Variants in PPP5C observed in about 807,000 individuals in gnomAD.
PPP5C encodes serine/threonine-protein phosphatase 5.
In PPP5C, 21 loss-of-function variants were observed where a neutral mutation model predicts 66.7. That is an observed-to-expected ratio of 0.31 (90% confidence interval 0.22 to 0.45). The LOEUF (loss-of-function observed/expected upper bound fraction) is 0.45, where lower values mean the gene tolerates loss of function less well. PPP5C is among the 20% of genes least tolerant of loss of function. The probability of loss-of-function intolerance (pLI) is 1.00; values close to 1 mark genes in which losing one functional copy is unlikely to be tolerated. For missense variants in PPP5C, 464 were observed against 675.9 expected (o/e 0.69, Z 3.48); for synonymous variants, 246 against 257.4 (o/e 0.96, Z 0.43).
chr19:46,383,176 A>G lies in PPP5C; in HGVS notation c.634-235A>G. 2 of 1,482,038 alleles carry G rather than the reference A, an allele frequency of 1.3e-6. No homozygotes were observed. Among genetic ancestry groups the G allele is most frequent in the South Asian group, 1.2e-5 (1 of 80,568 alleles). 91.8% of individuals were successfully genotyped at this position (1,482,038 alleles called of 1,614,324 possible). On this transcript the variant is annotated intron_variant, in intron 4 of 12. Transcript: ENST00000012443. This position sits in a 1 kb window ranked among gnomAD's most constrained non-coding sequence, Gnocchi z 5.0. ...AGTATTTTAAGATAATTCAAGAATC[A>G]GGTTTTCGTACAAAACAATCGCAAT...
At chr19:46,349,918 A>G (rs561254237) in intron 1 of PPP5C, among the ~76,000 whole-genome samples, 5 of 149,898 alleles carry the variant, frequency 3.3e-5, no homozygotes, top group African/African-American at 1.2e-4. Flanking sequence ...CATGGAGGCC[A>G]TAAGTGGGGC....
intron 2 of PPP5C, among the ~76,000 whole-genome samples, chr19:46,368,246 C>T (rs1972523792): frequency 6.6e-6 from 1 of 152,218 alleles, no homozygotes; most frequent in Non-Finnish European, 1.5e-5. Flanking sequence ...TGGAGAATGG[C>T]AGGGGATTAT....
At chr19:46,367,729 A>G (rs375255070) in intron 2 of PPP5C, among the ~76,000 whole-genome samples, 1 of 152,318 alleles carries the variant, frequency 6.6e-6, no homozygotes. Context: ...AGTGGGAACA[A>G]TTAGATCCTG....
At chr19:46,387,049 G>A in intron 7 of PPP5C, 44 bp from the exon 8 acceptor site, 2 of 1,613,832 alleles carry the variant, frequency 1.2e-6, no homozygotes, top group Non-Finnish European at 1.7e-6. Flanking sequence ...GGACACTGAT[G>A]TACCTGGAGG....
intron 1 of PPP5C, among the ~76,000 whole-genome samples, chr19:46,347,741 A>G (rs56690452): frequency 0.037 from 5,601 of 152,072 alleles, 366 homozygotes; most frequent in African/African-American, 0.13. Flanking sequence ...CTTGGGAGTA[A>G]GGGTGGGGAT....
intron 4 of PPP5C, among the ~76,000 whole-genome samples, chr19:46,377,745 A>G (rs1179255200): frequency 1.3e-5 from 2 of 152,186 alleles, no homozygotes; most frequent in African/African-American, 2.4e-5. Flanking sequence ...TTTCAATGTC[A>G]TATGGGCTTA....
At chr19:46,372,180 T>A (rs1972604763) in intron 2 of PPP5C, among the ~76,000 whole-genome samples, 1 of 152,022 alleles carries the variant, frequency 6.6e-6, no homozygotes, top group South Asian at 2.1e-4. Context: ...GTACACAAAA[T>A]CATGTGGGTT....
intron 2 of PPP5C, among the ~76,000 whole-genome samples, chr19:46,365,216 C>G (rs1432028985): frequency 6.6e-6 from 1 of 152,204 alleles, no homozygotes; most frequent in Non-Finnish European, 1.5e-5. Flanking sequence ...CTCCTGACCT[C>G]AAGTAATCTG....
intron 2 of PPP5C, among the ~76,000 whole-genome samples, chr19:46,357,960 C>T (rs1309452259): frequency 6.6e-6 from 1 of 152,158 alleles, no homozygotes; most frequent in Non-Finnish European, 1.5e-5. Flanking sequence ...TTCTCCCCTC[C>T]CGGAGGTTGG....
At chr19:46,361,455 A>G (rs1972388283) in intron 2 of PPP5C, among the ~76,000 whole-genome samples, 2 of 147,914 alleles carry the variant, frequency 1.4e-5, no homozygotes, top group South Asian at 4.3e-4. Context: ...TCTTTTACTA[A>G]TACTACACCA....
Position 46,388,930 on chromosome 19 carries a change from G to A in PPP5C, c.1355+199G>A, listed in dbSNP as rs1972941532. ...TGTGAGTGCTGACCAGCTGCCCTGT[G>A]TTACAGCAAGCCCCTGGCACTTCAC... is the stretch of plus-strand genomic sequence containing the variant. On this transcript the variant is annotated intron_variant, in intron 11 of 12. Transcript: ENST00000012443. This position sits in a 1 kb window ranked among gnomAD's most constrained non-coding sequence, Gnocchi z 4.9. 1.3e-5 allele frequency among the ~76,000 whole-genome samples: 2 copies of A among 152,126 alleles called. No individual in the cohort carries two copies. Among genetic ancestry groups the A allele is most frequent in the Non-Finnish European group, 2.9e-5 (2 of 68,026 alleles).
At position 46,383,192 on chromosome 19, in the gene PPP5C, C is replaced by G; in HGVS notation, c.634-219C>G. On this transcript the variant is annotated intron_variant, in intron 4 of 12. Transcript: ENST00000012443. The surrounding 1 kb of genome is among the most constrained non-coding windows in gnomAD (Gnocchi z 5.0). ...TCAAGAATCAGGTTTTCGTACAAAA[C>G]AATCGCAATGCTTCGGCACTGCACA... 6.7e-7 allele frequency: 1 copy of G among 1,503,242 alleles called. No homozygotes were observed. Among genetic ancestry groups the G allele is most frequent in the Non-Finnish European group, 8.9e-7 (1 of 1,125,108 alleles). The allele number at this position is 1,503,242 out of a possible 1,614,324, so 93.1% of individuals were successfully genotyped here. A position where few individuals can be genotyped will look rare whatever the true frequency, so the allele number is the denominator to read the frequency against.
chr19:46,376,692 A>C lies in PPP5C; in HGVS notation c.633+118A>C. The C allele has an allele frequency of 1.4e-6, 2 of 1,386,820 alleles. No individual in the cohort carries two copies. The highest frequency in any genetic ancestry group is 2.0e-6 in the Non-Finnish European group (2 of 1,014,046). 85.9% of individuals were successfully genotyped at this position (1,386,820 alleles called of 1,614,324 possible). On this transcript the variant is annotated intron_variant, in intron 4 of 12. Transcript: ENST00000012443. This position sits in a 1 kb window ranked among gnomAD's most constrained non-coding sequence, Gnocchi z 5.1. ...GGGCGGCCATGACAGCCAACACCAA[A>C]CAGGAGTCGTGTGCCGGACACTGTG...
At chr19:46,366,343 G>A (rs1601424479) in intron 2 of PPP5C, among the ~76,000 whole-genome samples, 1 of 152,000 alleles carries the variant, frequency 6.6e-6, no homozygotes. Context: ...GGAGAGGCTT[G>A]TGGTTTTTGT....
chr19:46,389,397 A>AGTGTTGAGTAAGACTC, intron 11 of PPP5C, among the ~76,000 whole-genome samples: 1 of 18,478 alleles, frequency 5.4e-5, no homozygotes, highest in African/African-American at 1.5e-4. Context: ...ACACACACAC[A>AGTGTTGAGTAAGACTC]CACACACACA....
At chr19:46,373,634 C>G (rs1972635137) in intron 2 of PPP5C, among the ~76,000 whole-genome samples, 1 of 144,526 alleles carries the variant, frequency 6.9e-6, no homozygotes. Context: ...GTCACTCATT[C>G]ATTTCTTTGG....
At chr19:46,385,039 G>T in intron 7 of PPP5C, 130 bp downstream of exon 7, 1 of 708,220 alleles carries the variant, frequency 1.4e-6, no homozygotes, top group East Asian at 2.7e-5. Context: ...GACCTTTTAA[G>T]ATTGAGTATG....
chr19:46,385,056 A>G, intron 7 of PPP5C, 147 bp downstream of exon 7: 1 of 633,700 alleles, frequency 1.6e-6, no homozygotes, highest in South Asian at 1.8e-5. Flanking sequence ...TATGTAGTGC[A>G]CTGCACAAAA....
chr19:46,389,937 G>A (rs1972983247), intron 11 of PPP5C, 114 bp from the exon 12 acceptor site: 6 of 843,734 alleles, frequency 7.1e-6, no homozygotes, highest in Non-Finnish European at 9.8e-6. Context: ...TGTGTCTGTT[G>A]TGGCTCTGTC....
Sources: allele counts gnomAD v4.1 joint callset (sites outside exome capture counted in the v4.1 genomes callset), GRCh38; gene constraint gnomAD v4.1.1; non-coding constraint Gnocchi (gnomAD v3.1); transcripts MANE v1.5; gene names NCBI Gene and HGNC (gene_info 2026-07-23, HGNC 2026-07-21).